Variants in KIF13B observed in about 807,000 individuals in gnomAD.
KIF13B encodes kinesin family member 13B, also known as kinesin-like protein KIF13B.
In KIF13B, 127 loss-of-function variants were observed where a neutral mutation model predicts 222.0. That is an observed-to-expected ratio of 0.57 (90% CI 0.50 to 0.66). The LOEUF (loss-of-function observed/expected upper bound fraction) is 0.66. Among genes scored for constraint, KIF13B ranks in the 30% least tolerant of loss-of-function variants. KIF13B has a pLI of 0.00. For synonymous variants in KIF13B, 976 were observed against 919.0 expected, an observed-to-expected ratio of 1.06 and a Z score of -1.12; for missense variants, 2,173 against 2,379.0, an observed-to-expected ratio of 0.91 and a Z score of 1.80.
At chr8:29,172,237 C>G (rs1197128525) in intron 10 of KIF13B, among the ~76,000 whole-genome samples, 2 of 151,916 alleles carry the variant, frequency 1.3e-5, no homozygotes, top group Admixed American at 6.6e-5. Flanking sequence ...CCCGCCACCA[C>G]GCCTGGCTAA....
chr8:29,194,932 C>T (rs921048053), intron 3 of KIF13B, among the ~76,000 whole-genome samples: 5 of 151,992 alleles, frequency 3.3e-5, no homozygotes, highest in African/African-American at 1.2e-4. Context: ...TTCACTGCAA[C>T]CTCCAGCCTC....
rs1017811362 is a variant in KIF13B at position 29,126,523 on chromosome 8, T to C, written c.3223-12A>G. On this transcript the variant is annotated splice_polypyrimidine_tract_variant and intron_variant, in intron 25 of 39. Coordinates refer to ENST00000524189, the MANE Select transcript of KIF13B (RefSeq NM_015254.4). ...TCTTCCTCTTCCTCCTAAAAGAAAA[T>C]ATACATTACAAAGAACTGAATTATT... The C allele has an allele frequency of 2.0e-6, 3 of 1,483,266 alleles. No individual in the cohort carries two copies. Among genetic ancestry groups the C allele is most frequent in the Admixed American group, 1.8e-5 (1 of 54,542 alleles). The allele number at this position is 1,483,266 out of a possible 1,614,324, so 91.9% of individuals were successfully genotyped here.
rs780443382 is a variant in KIF13B at position 29,155,808 on chromosome 8, C to T, written c.1453G>A (p.Gly485Ser). 3.8e-6 allele frequency: 6 copies of T among 1,591,764 alleles called. No individual in the cohort carries two copies. Among genetic ancestry groups the T allele is most frequent in the African/African-American group, 2.7e-5 (2 of 74,630 alleles). ...SANSQDIQLC[G>S]MGILPEHCII... ...CAGTGTTCAGGAAGAATTCCCATGC[C>T]GCACAGTTGGATATCTTGGGAATTT... is the stretch of plus-strand genomic sequence containing the variant. Residue 485 changes from glycine (G) to serine (S), a missense_variant, in exon 14 of 40, where the codon GGC becomes AGC. Gly to Ser is a moderately conservative substitution (Grantham distance 56, BLOSUM62 0). This residue lies in a region of KIF13B where 1,480 missense variants were observed against 1,722.8 expected (regional missense o/e 0.86). Transcript: ENST00000524189.
intron 3 of KIF13B, 72 bp from the exon 4 acceptor site, chr8:29,191,129 G>T: frequency 9.0e-7 from 1 of 1,114,306 alleles, no homozygotes; most frequent in Non-Finnish European, 1.3e-6. Flanking sequence ...TGATAGAACT[G>T]TTCATAATAG....
intron 2 of KIF13B, among the ~76,000 whole-genome samples, chr8:29,205,803 C>T (rs1330213772): frequency 6.6e-6 from 1 of 152,052 alleles, no homozygotes; most frequent in Non-Finnish European, 1.5e-5. Context: ...TAAAAAGAGG[C>T]CAGGCGTGGT....
In KIF13B at chr8:29,213,685, A is replaced by T. The variant is rs146939471; in HGVS notation, c.150-17486T>A. ...GAAAAGGGGCCAGGCACAGTGGCTC[A>T]CGCCTGTAATTCTAGTACTTTGGGA... On this transcript the variant is annotated intron_variant, in intron 2 of 39. Transcript: ENST00000524189. 5.0e-4 allele frequency among the ~76,000 whole-genome samples: 76 copies of T among 152,302 alleles called. 1 individual carries two copies. The East Asian group carries it at 0.011, about 22-fold the overall frequency.
intron 37 of KIF13B, among the ~76,000 whole-genome samples, chr8:29,082,550 G>A (rs952611707): frequency 6.6e-6 from 1 of 152,036 alleles, no homozygotes; most frequent in Non-Finnish European, 1.5e-5. Context: ...GCTGAGACAG[G>A]AGGACTTGCG....
At chr8:29,140,232 GGTTCGTGCTCCCTT>G in intron 20 of KIF13B, 41 bp from the exon 21 acceptor site, 1 of 1,610,806 alleles carries the variant, frequency 6.2e-7, no homozygotes, top group East Asian at 2.2e-5. Flanking sequence ...CTCCAGATTT[GGTTCGTGCTCCCTT>G]GAGATGACCT....
At chr8:29,079,342 C>T (rs944019763) in intron 37 of KIF13B, among the ~76,000 whole-genome samples, 1 of 152,224 alleles carries the variant, frequency 6.6e-6, no homozygotes, top group Non-Finnish European at 1.5e-5. Context: ...CTGTGTCATC[C>T]GCAGACACTC....
intron 18 of KIF13B, among the ~76,000 whole-genome samples, chr8:29,142,963 C>G (rs1467165382): frequency 6.6e-6 from 1 of 152,166 alleles, no homozygotes; most frequent in African/African-American, 2.4e-5. Flanking sequence ...AGTGATACTC[C>G]TGCCTCAGCC....
chr8:29,070,396 C>T lies in KIF13B; in HGVS notation c.*108G>A, dbSNP rs1217692392. 1.6e-6 allele frequency: 2 copies of T among 1,259,000 alleles called. No homozygotes were observed. The highest frequency in any genetic ancestry group is 3.0e-5 in the African/African-American group (2 of 66,294). The allele number at this position is 1,259,000 out of a possible 1,614,324, so 78.0% of individuals were successfully genotyped here. ...GTGTCGTGCAAAAAGCATTCATCGC[C>T]CTGCCCCTGGGGAAGGGGCCACCGG... On this transcript the variant is annotated 3_prime_UTR_variant, in exon 40 of 40. Coordinates refer to ENST00000524189, the MANE Select transcript of KIF13B (RefSeq NM_015254.4). The surrounding 1 kb of genome is among the most constrained non-coding windows in gnomAD (Gnocchi z 4.1).
Position 29,130,599 on chromosome 8 carries a change from T to C in KIF13B, c.3009A>G (p.Glu1003=), listed in dbSNP as rs750106619. 3 of 1,613,696 alleles carry C rather than the reference T, an allele frequency of 1.9e-6. No individual in the cohort carries two copies. In the South Asian group the frequency reaches 3.3e-5, roughly 18 times the overall value. ...CAGAAATCACTTCTACAGGGCAGTATTCACCATTCTCATTCTGTTCCAAGA... is the reference window on the plus strand; with the variant it reads ...CAGAAATCACTTCTACAGGGCAGTACTCACCATTCTCATTCTGTTCCAAGA... The part of the protein sequence containing the change: ...VQILEQNENG[E]YCPVEVISAK... Residue 1003 remains glutamate, a synonymous_variant, in exon 24 of 40, where the codon GAA becomes GAG. Coordinates refer to ENST00000524189, the MANE Select transcript of KIF13B (RefSeq NM_015254.4).
rs776750868 is a variant in KIF13B at position 29,092,789 on chromosome 8, G to A, written c.4414C>T (p.Arg1472Cys). The A allele has an allele frequency of 3.5e-5, 56 of 1,613,264 alleles. No individual in the cohort carries two copies. Among genetic ancestry groups the A allele is most frequent in the East Asian group, 8.9e-5 (4 of 44,884 alleles). ...PKLLKSLFPV[R>C]DEKRGKRPSP... ...GGCCGCTTGCCCCTCTTCTCATCGC[G>A]GACGGGAAAGAGAGACTTGAGGAGC... is the stretch of plus-strand genomic sequence containing the variant. The change falls in exon 37 of 40, where the codon CGC becomes TGC. Residue 1472 changes from arginine (R) to cysteine (C), a missense_variant. By Grantham distance (180) the Arg-to-Cys change is radical. Around this residue, in one of 2 missense-constraint regions of KIF13B, gnomAD observed 693 missense variants for 656.2 expected, o/e 1.06. Coordinates refer to ENST00000524189, the MANE Select transcript of KIF13B (RefSeq NM_015254.4).
At chr8:29,257,432 C>G (rs1248736351) in intron 1 of KIF13B, among the ~76,000 whole-genome samples, 1 of 152,070 alleles carries the variant, frequency 6.6e-6, no homozygotes, top group Non-Finnish European at 1.5e-5. Context: ...TCAATCAGCA[C>G]TTCAATCCAT....
At chr8:29,157,695 A>G (rs1811597819) in intron 13 of KIF13B, among the ~76,000 whole-genome samples, 1 of 151,824 alleles carries the variant, frequency 6.6e-6, no homozygotes, top group African/African-American at 2.4e-5. Flanking sequence ...AAAGAGCAAG[A>G]CTCCGTCTCA....
At chr8:29,121,118 T>A (rs947871750) in intron 29 of KIF13B, among the ~76,000 whole-genome samples, 3 of 151,674 alleles carry the variant, frequency 2.0e-5, no homozygotes, top group African/African-American at 7.3e-5. Context: ...ATCGTGAAAA[T>A]GGCCATACTG....
chr8:29,072,215 G>T lies in KIF13B; in HGVS notation c.4623C>A (p.Val1541=). The T allele has an allele frequency of 2.0e-6, 3 of 1,468,818 alleles. No individual in the cohort carries two copies. The highest frequency in any genetic ancestry group is 2.7e-6 in the Non-Finnish European group (3 of 1,113,578). The allele number at this position is 1,468,818 out of a possible 1,614,324, so 91.0% of individuals were successfully genotyped here. A position where few individuals can be genotyped will look rare whatever the true frequency, so the allele number is the denominator to read the frequency against. The stretch of plus-strand genomic sequence containing the variant: ...CCGGGGTGACCGCTGTGACAGCTAT[G>T]ACAGGCGGTGGGGAAGGCACTTTGG... ...KPAKVPSPPP[V]IAVTAVTPAP... Residue 1541 remains valine, a synonymous_variant, in exon 39 of 40, where the codon GTC becomes GTA. Coordinates refer to ENST00000524189, the MANE Select transcript of KIF13B (RefSeq NM_015254.4).
At chr8:29,105,654 T>TTG (rs1174850591) in intron 35 of KIF13B, among the ~76,000 whole-genome samples, 3 of 95,954 alleles carry the variant, frequency 3.1e-5, no homozygotes, top group Non-Finnish European at 7.3e-5. Context: ...TGTTTGGTTT[T>TTG]TTTTTTTTTT....
rs1254414896 is a variant in KIF13B at position 29,167,379 on chromosome 8, T to C, written c.1152A>G (p.Lys384=). 1 of 1,611,988 alleles carries C rather than the reference T, an allele frequency of 6.2e-7. No individual in the cohort carries two copies. The highest frequency in any genetic ancestry group is 8.5e-7 in the Non-Finnish European group (1 of 1,179,564). The change falls in exon 11 of 40, where the codon AAA becomes AAG. Residue 384 remains lysine (K), a synonymous_variant. Coordinates refer to ENST00000524189, the MANE Select transcript of KIF13B (RefSeq NM_015254.4). The stretch of plus-strand genomic sequence containing the variant: ...ACGCGGTGGTGCCTCCTACCTCTGC[T>C]TTGGTCAGCTGCTCCCGGAGTTTCT... ...EVEKLREQLT[K]AEAMKSPELK...
Sources: gnomAD v4.1 joint callset for allele counts (sites outside exome capture counted in the v4.1 genomes callset) on GRCh38, gnomAD v4.1.1 for gene constraint, gnomAD v4.1.1 regional missense constraint, Gnocchi (gnomAD v3.1) non-coding constraint, MANE v1.5 for transcripts, NCBI Gene and HGNC (gene_info 2026-07-23, HGNC 2026-07-21) for gene names.